PCP4: variants seen among roughly 807,000 people sequenced by gnomAD.
The protein encoded by PCP4 is Purkinje cell protein 4.
In PCP4, 8 loss-of-function variants were observed where a neutral mutation model predicts 10.0. The observed-to-expected ratio is 0.80, with a 90% CI of 0.47 to 1.45. The LOEUF is 1.45. Ranked by LOEUF, PCP4 falls within the 40% of genes most tolerant of loss-of-function variation. The pLI is 0.00. For synonymous variants in PCP4, 21 were observed against 23.0 expected (o/e 0.91, Z 0.24); for missense variants, 54 against 74.4 (o/e 0.73, Z 1.01).
chr21:39,897,156 G>A (rs542056336), intron 1 of PCP4, among the ~76,000 whole-genome samples: 18 of 152,184 alleles, frequency 1.2e-4, no homozygotes, highest in African/African-American at 4.3e-4. Flanking sequence ...TTGGGAGGCC[G>A]AGGCGGGTGG....
intron 2 of PCP4, among the ~76,000 whole-genome samples, chr21:39,912,314 T>A (rs952174313): frequency 3.2e-5 from 4 of 124,204 alleles, no homozygotes; most frequent in Admixed American, 3.0e-4. Context: ...TTTGAAAGGT[T>A]TTTTTTTTTT....
chr21:39,910,484 A>G (rs2087534265), intron 2 of PCP4, among the ~76,000 whole-genome samples: 2 of 152,162 alleles, frequency 1.3e-5, no homozygotes, highest in Non-Finnish European at 1.5e-5. Context: ...ATTAAAAAAA[A>G]AAGTGTTTTT....
At chr21:39,893,965 C>T (rs1266293496) in intron 1 of PCP4, among the ~76,000 whole-genome samples, 4 of 152,190 alleles carry the variant, frequency 2.6e-5, no homozygotes, top group Non-Finnish European at 5.9e-5. Flanking sequence ...GAGGAAGGGG[C>T]TGTCCTTCTT....
At chr21:39,880,118 A>C (rs138063224) in intron 1 of PCP4, among the ~76,000 whole-genome samples, 2 of 137,890 alleles carry the variant, frequency 1.5e-5, no homozygotes, top group African/African-American at 5.7e-5. Flanking sequence ...ATCTATATCT[A>C]TATCTATATC....
chr21:39,884,177 CT>C (rs954763744), intron 1 of PCP4, among the ~76,000 whole-genome samples: 164 of 144,374 alleles, frequency 1.1e-3, no homozygotes, highest in Middle Eastern at 3.6e-3. Flanking sequence ...CATATGCAGT[CT>C]TTTTTTTTTT....
chr21:39,873,201 A>G (rs953425440), intron 1 of PCP4, among the ~76,000 whole-genome samples: 1 of 152,192 alleles, frequency 6.6e-6, no homozygotes, highest in African/African-American at 2.4e-5. Context: ...ACAGAAAACC[A>G]ATTTGACTGT....
chr21:39,919,706 T>A (rs1013053598), intron 2 of PCP4, among the ~76,000 whole-genome samples: 4 of 151,496 alleles, frequency 2.6e-5, no homozygotes, highest in Non-Finnish European at 5.9e-5. Context: ...CTATGGTGTG[T>A]GTGGTTTGTG....
At chr21:39,897,957 A>C (rs7279616) in intron 1 of PCP4, among the ~76,000 whole-genome samples, 9,394 of 149,122 alleles carry the variant, frequency 0.063, 318 homozygotes, top group African/African-American at 0.093. Context: ...GAAGCAGGAG[A>C]ATGGTGTGAA....
chr21:39,883,971 C>A (rs903317651), intron 1 of PCP4, among the ~76,000 whole-genome samples: 1 of 152,100 alleles, frequency 6.6e-6, no homozygotes, highest in East Asian at 1.9e-4. Context: ...TTGTTATTCT[C>A]ATGTAATAAA....
rs752807202 is a variant in PCP4 at position 39,879,704 on chromosome 21, TA to T, written c.9+12199del. ...AGATACTGGCAGAAGTGAGTCCAGTTAAAAACACATCATGGTTCTGTAACCC... is the reference window on the plus strand; with the variant it reads ...AGATACTGGCAGAAGTGAGTCCAGTTAAAACACATCATGGTTCTGTAACCC... On this transcript the variant is annotated intron_variant, in intron 1 of 2. Coordinates refer to ENST00000328619, the MANE Select transcript of PCP4 (RefSeq NM_006198.3). Among the ~76,000 whole-genome samples the T allele has an allele frequency of 1.4e-4, 22 of 152,280 alleles. No homozygotes were observed. The East Asian group carries it at 2.1e-3, about 15-fold the overall frequency.
chr21:39,880,464 AGT>A lies in PCP4; in HGVS notation c.9+12966_9+12967del, dbSNP rs374300626. ...GTACATCTGTGTGTGCGTGTGTGTG[AGT>A]GTGTGTGTGTGCATGCGTGTGAGTG... On this transcript the variant is annotated intron_variant, in intron 1 of 2. Coordinates refer to ENST00000328619, the MANE Select transcript of PCP4 (RefSeq NM_006198.3). 8.9e-4 allele frequency among the ~76,000 whole-genome samples: 132 copies of A among 148,764 alleles called. 1 individual carries two copies. Among genetic ancestry groups the A allele is most frequent in the African/African-American group, 2.7e-3 (103 of 38,602 alleles).
intron 1 of PCP4, among the ~76,000 whole-genome samples, chr21:39,896,593 T>C (rs764663055): frequency 4.2e-4 from 64 of 152,238 alleles, no homozygotes; most frequent in Admixed American, 1.1e-3. Context: ...ATGGTATTCG[T>C]AATAAGTGGG....
At chr21:39,892,164 A>G (rs573682218) in intron 1 of PCP4, among the ~76,000 whole-genome samples, 25 of 152,356 alleles carry the variant, frequency 1.6e-4, no homozygotes, top group Admixed American at 1.0e-3. Context: ...CGGGCGTGAC[A>G]GAGGGCTCAC....
intron 2 of PCP4, among the ~76,000 whole-genome samples, chr21:39,913,538 C>G (rs1385442040): frequency 6.6e-6 from 1 of 152,246 alleles, no homozygotes; most frequent in African/African-American, 2.4e-5. Context: ...TATGGGACTT[C>G]AGAGTCGTAT....
At position 39,898,045 on chromosome 21, in the gene PCP4, CAAAAAAAAA is replaced by C. The variant is rs780273912; in HGVS notation, c.10-417_10-409del. ...TGGATGACAGAGCCAGACTCAGTCT[CAAAAAAAAA>C]AAAAAAAAAAAAAGAAGACATTGGA... On this transcript the variant is annotated intron_variant, in intron 1 of 2. Transcript: ENST00000328619. 3.2e-4 allele frequency among the ~76,000 whole-genome samples: 24 copies of C among 74,026 alleles called. 2 individuals carry two copies. Among genetic ancestry groups the C allele is most frequent in the Admixed American group, 2.6e-3 (15 of 5,822 alleles). 48.6% of individuals were successfully genotyped at this position (74,026 alleles called of 152,430 possible).
intron 1 of PCP4, among the ~76,000 whole-genome samples, chr21:39,889,700 GC>G (rs2146332706): frequency 6.6e-6 from 1 of 152,262 alleles, no homozygotes; most frequent in African/African-American, 2.4e-5. Context: ...ACAGGCGTGA[GC>G]CACCGTGCCC....
intron 2 of PCP4, among the ~76,000 whole-genome samples, chr21:39,902,686 C>A (rs1049965583): frequency 6.6e-6 from 1 of 152,120 alleles, no homozygotes. Flanking sequence ...TTTGTGGTAT[C>A]ATCTGCTGTA....
intron 2 of PCP4, among the ~76,000 whole-genome samples, chr21:39,916,380 A>G (rs2087568497): frequency 6.6e-6 from 1 of 152,186 alleles, no homozygotes; most frequent in African/African-American, 2.4e-5. Flanking sequence ...GGTTATGGCT[A>G]TAGGAGGTGG....
intron 1 of PCP4, among the ~76,000 whole-genome samples, chr21:39,893,329 G>C (rs2087442092): frequency 6.6e-6 from 1 of 152,022 alleles, no homozygotes; most frequent in Non-Finnish European, 1.5e-5. Flanking sequence ...CCTTTTTATG[G>C]ATACCGGGCA....
Sources: allele counts gnomAD v4.1 joint callset (sites outside exome capture counted in the v4.1 genomes callset), GRCh38; gene constraint gnomAD v4.1.1; transcripts MANE v1.5; gene names NCBI Gene and HGNC (gene_info 2026-07-23, HGNC 2026-07-21).